CSMD1: variants seen among roughly 807,000 people sequenced by gnomAD.
CSMD1 encodes CUB and Sushi multiple domains 1.
Under a neutral mutation model 417.5 loss-of-function variants are expected in CSMD1, and 213 were observed. The observed-to-expected ratio is 0.51, with a 90% CI of 0.46 to 0.57. The LOEUF (loss-of-function observed/expected upper bound fraction) is 0.57. Among genes scored for constraint, CSMD1 ranks in the 20% least tolerant of loss-of-function variants. The pLI is 0.00. For synonymous variants in CSMD1, 2,862 were observed against 1,736.8 expected (o/e 1.65, Z -16.11); for missense variants, 6,923 against 4,529.7 (o/e 1.53, Z -15.17).
At chr8:3,933,138 A>G (rs2627329) in intron 5 of CSMD1, among the ~76,000 whole-genome samples, 60,371 of 141,042 alleles carry the variant, frequency 0.43, 14,091 homozygotes, top group East Asian at 0.52. Context: ...ATTTTTACCA[A>G]TGTAATACAT....
At chr8:4,054,222 C>T (rs1585215192) in intron 3 of CSMD1, among the ~76,000 whole-genome samples, 1 of 152,174 alleles carries the variant, frequency 6.6e-6, no homozygotes, top group African/African-American at 2.4e-5. Flanking sequence ...CGCCACCTCT[C>T]TTGTAGCTGA....
chr8:4,975,185 A>G (rs1810477264), intron 1 of CSMD1, among the ~76,000 whole-genome samples: 1 of 152,210 alleles, frequency 6.6e-6, no homozygotes, highest in African/African-American at 2.4e-5. Context: ...ACTGTTTTTA[A>G]TTCACCACGG....
rs927349340 is a variant in CSMD1, at chr8:2,965,717, A to C, written c.9280+58T>G. 4 of 1,462,218 alleles carry C rather than the reference A, an allele frequency of 2.7e-6. No homozygotes were observed. The African/African-American group carries it at 5.6e-5, about 21-fold the overall frequency. The allele number at this position is 1,462,218 out of a possible 1,614,324, so 90.6% of individuals were successfully genotyped here. On this transcript the variant is annotated intron_variant, in intron 59 of 69. Transcript: ENST00000635120. ...AAATGCTTGCAAAATTAAACAAAGC[A>C]TAATTCAATAAAGACTTCTATACAC...
At chr8:4,444,159 T>C (rs184193923) in intron 2 of CSMD1, among the ~76,000 whole-genome samples, 3 of 151,770 alleles carry the variant, frequency 2.0e-5, no homozygotes, top group Non-Finnish European at 4.4e-5. Flanking sequence ...CTGGCCAACA[T>C]GGCAAAACCC....
At chr8:3,502,414 G>T (rs1796642999) in intron 10 of CSMD1, among the ~76,000 whole-genome samples, 1 of 148,906 alleles carries the variant, frequency 6.7e-6, no homozygotes, top group African/African-American at 2.5e-5. Context: ...AACTGCACAT[G>T]TACGTTTATA....
At chr8:3,254,878 GTCAT>G (rs1800536075) in intron 26 of CSMD1, among the ~76,000 whole-genome samples, 1 of 152,150 alleles carries the variant, frequency 6.6e-6, no homozygotes, top group Admixed American at 6.5e-5. Flanking sequence ...ACTTGTCAAA[GTCAT>G]TCTCCATCCA....
chr8:4,500,148 C>A (rs79988920), intron 2 of CSMD1, among the ~76,000 whole-genome samples: 10 of 133,022 alleles, frequency 7.5e-5, no homozygotes, highest in Non-Finnish European at 1.7e-4. Flanking sequence ...AGAAGTTATA[C>A]GAGGTGAAAA....
chr8:3,513,010 A>T (rs5028045), intron 10 of CSMD1, among the ~76,000 whole-genome samples: 52,166 of 151,904 alleles, frequency 0.34, 11,793 homozygotes, highest in African/African-American at 0.63. Context: ...CATGCTTGAA[A>T]GATCATTTAA....
At chr8:3,248,006 C>T (rs1292998330) in intron 26 of CSMD1, among the ~76,000 whole-genome samples, 1 of 152,118 alleles carries the variant, frequency 6.6e-6, no homozygotes, top group Non-Finnish European at 1.5e-5. Context: ...ACATCAACAT[C>T]ATCAAACCAC....
At chr8:4,473,768 T>C (rs1436487750) in intron 2 of CSMD1, among the ~76,000 whole-genome samples, 3 of 152,204 alleles carry the variant, frequency 2.0e-5, no homozygotes, top group African/African-American at 4.8e-5. Flanking sequence ...CAAATGGCTT[T>C]GGGTTTTCTT....
At chr8:3,084,725 G>T (rs1426048547) in intron 49 of CSMD1, among the ~76,000 whole-genome samples, 1 of 151,870 alleles carries the variant, frequency 6.6e-6, no homozygotes, top group African/African-American at 2.4e-5. Context: ...AATATATGTT[G>T]TACAACCTTA....
chr8:4,905,298 T>G (rs1480414504), intron 1 of CSMD1, among the ~76,000 whole-genome samples: 3 of 152,178 alleles, frequency 2.0e-5, no homozygotes, highest in Non-Finnish European at 4.4e-5. Context: ...GCCCAGAGTC[T>G]AATGGATAAC....
rs147708344 is a variant in CSMD1, at chr8:4,509,836, C to G, written c.303-89771G>C. On this transcript the variant is annotated intron_variant, in intron 2 of 69. Coordinates refer to ENST00000635120, the MANE Select transcript of CSMD1 (RefSeq NM_033225.6). ...ACTGAAGCATTGGGATGTTAAATTG[C>G]CCCAAGATTCACAGCTGGTGCTTAG... 1.8e-3 allele frequency among the ~76,000 whole-genome samples: 273 copies of G among 152,244 alleles called. 1 individual carries two copies. Among genetic ancestry groups the G allele is most frequent in the African/African-American group, 6.3e-3 (263 of 41,538 alleles).
chr8:3,980,537 C>T (rs1288910686), intron 5 of CSMD1, among the ~76,000 whole-genome samples: 4 of 151,852 alleles, frequency 2.6e-5, no homozygotes, highest in Admixed American at 1.3e-4. Context: ...TTAGATTTGT[C>T]GTCTCTCTTT....
At chr8:4,837,611 G>A (rs1274789844) in intron 1 of CSMD1, among the ~76,000 whole-genome samples, 3 of 152,126 alleles carry the variant, frequency 2.0e-5, no homozygotes, top group African/African-American at 7.2e-5. Context: ...CAGAGGCTGG[G>A]AAGGACAGTA....
chr8:3,328,318 C>A (rs1806669147), intron 23 of CSMD1, among the ~76,000 whole-genome samples: 1 of 152,188 alleles, frequency 6.6e-6, no homozygotes, highest in Non-Finnish European at 1.5e-5. Context: ...CTCTGCCTGC[C>A]TATATGCTGC....
chr8:4,331,681 G>T (rs550025079), intron 3 of CSMD1, among the ~76,000 whole-genome samples: 3 of 152,122 alleles, frequency 2.0e-5, no homozygotes, highest in Non-Finnish European at 4.4e-5. Flanking sequence ...AGAGGCCCCA[G>T]TTAGGTCATT....
intron 11 of CSMD1, among the ~76,000 whole-genome samples, chr8:3,486,698 C>T (rs563231345): frequency 6.6e-6 from 1 of 152,346 alleles, no homozygotes; most frequent in Non-Finnish European, 1.5e-5. Context: ...CCTGTGGGAC[C>T]TATGGCTTCT....
Position 4,753,612 on chromosome 8 carries a change from T to C in CSMD1, c.86-116054A>G, listed in dbSNP as rs79035032. On this transcript the variant is annotated intron_variant, in intron 1 of 69. Coordinates refer to ENST00000635120, the MANE Select transcript of CSMD1 (RefSeq NM_033225.6). The stretch of plus-strand genomic sequence containing the variant: ...CCATGAACCTGACATCCTCACAGTA[T>C]CAGGCGTCTCACTGTTCCGCAGCAG... Among the ~76,000 whole-genome samples, 205 of 152,302 alleles carry C rather than the reference T, an allele frequency of 1.3e-3. 4 individuals carry two copies. In the East Asian group the frequency reaches 0.038, roughly 28 times the overall value.
Sources: allele counts gnomAD v4.1 joint callset (sites outside exome capture counted in the v4.1 genomes callset), GRCh38; gene constraint gnomAD v4.1.1; transcripts MANE v1.5; gene names NCBI Gene and HGNC (gene_info 2026-07-23, HGNC 2026-07-21).